Variants in CNTNAP2 observed in about 807,000 individuals in gnomAD.
CNTNAP2 encodes the protein contactin-associated protein-like 2.
A neutral mutation model predicts 155.2 loss-of-function variants in CNTNAP2; 98 were observed. The observed-to-expected ratio is 0.63, with a 90% confidence interval of 0.54 to 0.75. CNTNAP2 has a LOEUF of 0.75. CNTNAP2 is among the 30% of genes least tolerant of loss of function. The probability of loss-of-function intolerance (pLI) is 0.00; values close to 1 mark genes in which losing one functional copy is unlikely to be tolerated. For synonymous variants in CNTNAP2, 651 were observed against 631.2 expected, an observed-to-expected ratio of 1.03 and a Z score of -0.47; for missense variants, 1,727 against 1,688.1, an observed-to-expected ratio of 1.02 and a Z score of -0.40.
intron 3 of CNTNAP2, among the ~76,000 whole-genome samples, chr7:146,922,514 T>C (rs1796524221): frequency 6.6e-6 from 1 of 152,132 alleles, no homozygotes; most frequent in African/African-American, 2.4e-5. Context: ...AATCAATCAA[T>C]ATTTTAAAAT....
chr7:146,149,153 A>G (rs1403752295), intron 1 of CNTNAP2, among the ~76,000 whole-genome samples: 2 of 152,098 alleles, frequency 1.3e-5, no homozygotes, highest in East Asian at 1.9e-4. Context: ...CATGTTGTGC[A>G]CATGTACCCT....
At chr7:147,094,522 C>T (rs559138841) in intron 4 of CNTNAP2, among the ~76,000 whole-genome samples, 1 of 151,930 alleles carries the variant, frequency 6.6e-6, no homozygotes, top group South Asian at 2.1e-4. Flanking sequence ...CTGCCTCAGC[C>T]TCCCGCGTAG....
At chr7:146,852,371 C>T (rs1200342170) in intron 3 of CNTNAP2, among the ~76,000 whole-genome samples, 1 of 152,086 alleles carries the variant, frequency 6.6e-6, no homozygotes, top group East Asian at 1.9e-4. Flanking sequence ...ATATATGACT[C>T]TCTGCAATCA....
At chr7:147,918,684 G>C (rs1351954211) in intron 14 of CNTNAP2, among the ~76,000 whole-genome samples, 1 of 151,768 alleles carries the variant, frequency 6.6e-6, no homozygotes, top group Admixed American at 6.6e-5. Flanking sequence ...GACTAGAGGA[G>C]GAAAAAAACA....
At chr7:147,902,655 A>G (rs1799888717) in intron 13 of CNTNAP2, among the ~76,000 whole-genome samples, 1 of 152,158 alleles carries the variant, frequency 6.6e-6, no homozygotes, top group African/African-American at 2.4e-5. Context: ...AGAATATACA[A>G]TATTTGGTTT....
At chr7:148,007,953 G>T (rs1802008680) in intron 15 of CNTNAP2, among the ~76,000 whole-genome samples, 1 of 152,140 alleles carries the variant, frequency 6.6e-6, no homozygotes, top group African/African-American at 2.4e-5. Flanking sequence ...CTGTGAATAT[G>T]CGACCTTACA....
At chr7:147,282,676 G>C (rs1016478519) in intron 8 of CNTNAP2, among the ~76,000 whole-genome samples, 19 of 151,870 alleles carry the variant, frequency 1.3e-4, no homozygotes, top group Non-Finnish European at 2.1e-4. Flanking sequence ...TTATGTATCT[G>C]TGTGTCATAA....
At chr7:147,482,628 G>A (rs1056016634) in intron 10 of CNTNAP2, among the ~76,000 whole-genome samples, 1 of 152,076 alleles carries the variant, frequency 6.6e-6, no homozygotes, top group East Asian at 1.9e-4. Flanking sequence ...GGCTGAGGCA[G>A]GAGAATGGCG....
chr7:147,002,679 A>G (rs188555846), intron 3 of CNTNAP2, among the ~76,000 whole-genome samples: 2 of 152,102 alleles, frequency 1.3e-5, no homozygotes, highest in East Asian at 3.9e-4. Context: ...AGATCAAAGT[A>G]TGAGCAGATT....
chr7:146,719,795 T>C (rs1287547364), intron 1 of CNTNAP2, among the ~76,000 whole-genome samples: 1 of 152,172 alleles, frequency 6.6e-6, no homozygotes, highest in Non-Finnish European at 1.5e-5. Flanking sequence ...TGTTGTTTAT[T>C]TTTTGAAAAC....
chr7:147,223,296 T>C (rs1412304722), intron 8 of CNTNAP2, among the ~76,000 whole-genome samples: 1 of 152,106 alleles, frequency 6.6e-6, no homozygotes, highest in Non-Finnish European at 1.5e-5. Flanking sequence ...GGTGCACAAA[T>C]CTATAGTGAG....
At chr7:147,707,401 A>G (rs1381873363) in intron 13 of CNTNAP2, among the ~76,000 whole-genome samples, 1 of 152,204 alleles carries the variant, frequency 6.6e-6, no homozygotes, top group Non-Finnish European at 1.5e-5. Flanking sequence ...CAGTGGTGTC[A>G]GTGATTTCCT....
At chr7:147,300,022 C>G (rs1379699007) in intron 8 of CNTNAP2, 119 bp from the exon 9 acceptor site, 2 of 1,047,194 alleles carry the variant, frequency 1.9e-6, no homozygotes, top group African/African-American at 1.6e-5. Flanking sequence ...TTGTAAGCAG[C>G]ACTGTATTTT....
chr7:147,013,534 A>G (rs911696734), intron 3 of CNTNAP2, among the ~76,000 whole-genome samples: 4 of 151,866 alleles, frequency 2.6e-5, no homozygotes, highest in Non-Finnish European at 5.9e-5. Context: ...ATCTAAAATT[A>G]TTTTCTTCCT....
intron 10 of CNTNAP2, among the ~76,000 whole-genome samples, chr7:147,400,056 G>C (rs939093577): frequency 6.6e-6 from 1 of 152,240 alleles, no homozygotes; most frequent in Non-Finnish European, 1.5e-5. Flanking sequence ...TTGACTGCTT[G>C]TGGCAAACAT....
At chr7:147,261,703 T>C (rs1804470530) in intron 8 of CNTNAP2, among the ~76,000 whole-genome samples, 1 of 152,192 alleles carries the variant, frequency 6.6e-6, no homozygotes, top group East Asian at 1.9e-4. Flanking sequence ...AATCCATGAA[T>C]ATTCAGTGAT....
At chr7:146,437,876 A>G (rs1584925443) in intron 1 of CNTNAP2, among the ~76,000 whole-genome samples, 1 of 113,678 alleles carries the variant, frequency 8.8e-6, no homozygotes, top group African/African-American at 5.9e-5. Flanking sequence ...CAATTCCCCA[A>G]TCTCGTTTTT....
intron 10 of CNTNAP2, among the ~76,000 whole-genome samples, chr7:147,422,368 G>A (rs951582266): frequency 6.0e-5 from 9 of 150,444 alleles, no homozygotes; most frequent in Non-Finnish European, 1.2e-4. Context: ...GTATATATAC[G>A]GTATATACAT....
At chr7:146,267,202 A>G (rs1322774799) in intron 1 of CNTNAP2, among the ~76,000 whole-genome samples, 2 of 152,186 alleles carry the variant, frequency 1.3e-5, no homozygotes, top group African/African-American at 4.8e-5. Flanking sequence ...GTGCTCATCA[A>G]ATGGACATTA....
Sources: allele counts gnomAD v4.1 joint callset (sites outside exome capture counted in the v4.1 genomes callset), GRCh38; gene constraint gnomAD v4.1.1; transcripts MANE v1.5; gene names NCBI Gene and HGNC (gene_info 2026-07-23, HGNC 2026-07-21).